The following COMMD10 variants were observed in gnomAD, a reference collection of about 807,000 sequenced individuals.
The protein encoded by COMMD10 is COMM domain-containing protein 10.
In COMMD10, 33 loss-of-function variants were observed where a neutral mutation model predicts 28.9. The observed-to-expected ratio is 1.14, with a 90% CI of 0.87 to 1.53. COMMD10 has a LOEUF of 1.53. Among genes scored for constraint, COMMD10 ranks in the 40% most tolerant of loss-of-function variants. The pLI, the probability that COMMD10 is intolerant of heterozygous loss-of-function variation, is 0.00. For missense variants in COMMD10, 310 were observed against 233.4 expected (o/e 1.33, Z -2.14); for synonymous variants, 110 against 81.7 (o/e 1.35, Z -1.87).
At chr5:116,215,609 C>T (rs1230176089) in intron 5 of COMMD10, among the ~76,000 whole-genome samples, 3 of 150,604 alleles carry the variant, frequency 2.0e-5, no homozygotes, top group East Asian at 2.0e-4. Context: ...ATCGCTTGAT[C>T]CCGGGAGGCG....
At chr5:116,136,056 A>G (rs745787935) in intron 5 of COMMD10, among the ~76,000 whole-genome samples, 7 of 152,196 alleles carry the variant, frequency 4.6e-5, no homozygotes, top group East Asian at 3.8e-4. Flanking sequence ...CATCATCAAT[A>G]AAACTTTTTT....
chr5:116,094,398 T>C (rs1424905115), intron 4 of COMMD10, among the ~76,000 whole-genome samples: 1 of 152,144 alleles, frequency 6.6e-6, no homozygotes, highest in East Asian at 1.9e-4. Context: ...TATAAATGGC[T>C]AACAGGTATA....
chr5:116,117,097 A>G (rs1394168226), intron 4 of COMMD10, among the ~76,000 whole-genome samples: 1 of 152,132 alleles, frequency 6.6e-6, no homozygotes, highest in Non-Finnish European at 1.5e-5. Flanking sequence ...ATATTATTAC[A>G]TTTATTAGTA....
At chr5:116,281,896 T>C (rs1010250204) in intron 5 of COMMD10, among the ~76,000 whole-genome samples, 1 of 151,890 alleles carries the variant, frequency 6.6e-6, no homozygotes, top group African/African-American at 2.4e-5. Flanking sequence ...ACCTCTGTTT[T>C]CATACTACTA....
chr5:116,173,844 TTTTTG>T (rs368341277), intron 5 of COMMD10, among the ~76,000 whole-genome samples: 1 of 98,246 alleles, frequency 1.0e-5, no homozygotes, highest in African/African-American at 7.2e-5. Context: ...TTTTGTTTTG[TTTTTG>T]TTTTTTTTTT....
At chr5:116,250,253 T>A (rs1429770690) in intron 5 of COMMD10, among the ~76,000 whole-genome samples, 1 of 151,900 alleles carries the variant, frequency 6.6e-6, no homozygotes, top group Non-Finnish European at 1.5e-5. Context: ...ATTTTTGAGA[T>A]TCACTAGATG....
intron 5 of COMMD10, among the ~76,000 whole-genome samples, chr5:116,196,219 T>G (rs1395654730): frequency 6.6e-6 from 1 of 152,102 alleles, no homozygotes; most frequent in East Asian, 1.9e-4. Flanking sequence ...GAGTGGAGAC[T>G]ATTATTCTAA....
chr5:116,281,425 T>C (rs1228015911), intron 5 of COMMD10, among the ~76,000 whole-genome samples: 1 of 151,818 alleles, frequency 6.6e-6, no homozygotes, highest in Non-Finnish European at 1.5e-5. Flanking sequence ...CACATCTTTC[T>C]TTTCTTTTAA....
chr5:116,133,945 G>A, intron 4 of COMMD10, 123 bp from the exon 5 acceptor site: 8 of 613,344 alleles, frequency 1.3e-5, no homozygotes, highest in Middle Eastern at 2.6e-4. Flanking sequence ...AAGAGCCCTG[G>A]AACTGACTTT....
At chr5:116,259,546 T>G (rs1001639928) in intron 5 of COMMD10, among the ~76,000 whole-genome samples, 2 of 151,688 alleles carry the variant, frequency 1.3e-5, no homozygotes, top group African/African-American at 2.4e-5. Flanking sequence ...TTTTTGGTTG[T>G]TTGTTGTTTG....
In COMMD10 at chr5:116,203,422, C is replaced by G. The variant is rs546650646; in HGVS notation, c.510+69244C>G. On this transcript the variant is annotated intron_variant, in intron 5 of 6. Coordinates refer to ENST00000274458, the MANE Select transcript of COMMD10 (RefSeq NM_016144.4). ...AAGATACTCCTTGAGAAGAGCAACT[C>G]CGAGACACATAATTGTCACATTCAC... 7.0e-4 allele frequency among the ~76,000 whole-genome samples: 106 copies of G among 152,106 alleles called. 1 individual carries two copies. Among genetic ancestry groups the G allele is most frequent in the South Asian group, 4.8e-3 (23 of 4,808 alleles).
At chr5:116,123,418 C>G (rs1751510462) in intron 4 of COMMD10, among the ~76,000 whole-genome samples, 1 of 152,132 alleles carries the variant, frequency 6.6e-6, no homozygotes, top group South Asian at 2.1e-4. Flanking sequence ...AGGGATGAAG[C>G]CGACTTGATT....
At chr5:116,263,208 T>TA (rs1355514832) in intron 5 of COMMD10, among the ~76,000 whole-genome samples, 1 of 151,750 alleles carries the variant, frequency 6.6e-6, no homozygotes, top group Non-Finnish European at 1.5e-5. Context: ...AACACTAAGA[T>TA]ACGTCTGAAT....
intron 5 of COMMD10, among the ~76,000 whole-genome samples, chr5:116,134,498 G>C (rs1751968469): frequency 6.6e-6 from 1 of 152,196 alleles, no homozygotes; most frequent in South Asian, 2.1e-4. Flanking sequence ...GTGGTAGAGA[G>C]AATATTGTTT....
intron 4 of COMMD10, among the ~76,000 whole-genome samples, chr5:116,125,901 C>G (rs1274409309): frequency 1.3e-5 from 2 of 152,084 alleles, no homozygotes; most frequent in Admixed American, 1.3e-4. Flanking sequence ...CACTCCTGTT[C>G]AGCATAGTGT....
intron 5 of COMMD10, among the ~76,000 whole-genome samples, chr5:116,154,385 A>T (rs147903142): frequency 1.4e-4 from 21 of 152,276 alleles, no homozygotes; most frequent in African/African-American, 5.1e-4. Flanking sequence ...GTTATAGCAT[A>T]AAAGTTACTT....
chr5:116,154,878 A>G (rs987898345), intron 5 of COMMD10, among the ~76,000 whole-genome samples: 7 of 152,018 alleles, frequency 4.6e-5, no homozygotes, highest in Non-Finnish European at 1.0e-4. Flanking sequence ...AATCTCAGAG[A>G]CAAGGCTGTT....
At position 116,195,144 on chromosome 5, in the gene COMMD10, C is replaced by T. The variant is rs192225373; in HGVS notation, c.510+60966C>T. Among the ~76,000 whole-genome samples the T allele has an allele frequency of 4.8e-3, 726 of 152,128 alleles. 5 individuals carry two copies. The highest frequency in any genetic ancestry group is 0.015 in the African/African-American group (614 of 41,532). On this transcript the variant is annotated intron_variant, in intron 5 of 6. Coordinates refer to ENST00000274458, the MANE Select transcript of COMMD10 (RefSeq NM_016144.4). ...TTATGATTAAAACTCTCAACAAAATCGGCATACAAGGGACGTACCATAATG... is the reference window on the plus strand; with the variant it reads ...TTATGATTAAAACTCTCAACAAAATTGGCATACAAGGGACGTACCATAATG...
intron 5 of COMMD10, among the ~76,000 whole-genome samples, chr5:116,244,350 T>G (rs951368991): frequency 6.6e-6 from 1 of 152,064 alleles, no homozygotes; most frequent in Non-Finnish European, 1.5e-5. Flanking sequence ...CTAGCATCAT[T>G]ATGTAGAACA....
Sources: allele counts gnomAD v4.1 joint callset (sites outside exome capture counted in the v4.1 genomes callset), GRCh38; gene constraint gnomAD v4.1.1; transcripts MANE v1.5; gene names NCBI Gene and HGNC (gene_info 2026-07-23, HGNC 2026-07-21).